The following KIF1B variants were observed in gnomAD, a reference collection of about 807,000 sequenced individuals.
The protein encoded by KIF1B is kinesin-like protein KIF1B.
KIF1B carries 76 observed loss-of-function variants against 241.9 expected under a neutral mutation model. The observed-to-expected ratio is 0.31, with a 90% CI of 0.26 to 0.38. KIF1B has a LOEUF of 0.38. KIF1B is among the 10% of genes least tolerant of loss of function. The probability of loss-of-function intolerance (pLI) is 1.00; values close to 1 mark genes in which losing one functional copy is unlikely to be tolerated. For missense variants in KIF1B, 1,622 were observed against 2,271.4 expected, an observed-to-expected ratio of 0.71 and a Z score of 5.81; for synonymous variants, 750 against 796.7, an observed-to-expected ratio of 0.94 and a Z score of 0.99.
rs767858407 is a variant in KIF1B at position 10,261,840 on chromosome 1, C to T, written c.364-65C>T. On this transcript the variant is annotated intron_variant, in intron 4 of 48. Transcript: ENST00000676179. ...GGACGTCTGGCTAATTCATTGAGCACGCGTGGATGACTTAGTACTCCTCTC... is the reference window on the plus strand; with the variant it reads ...GGACGTCTGGCTAATTCATTGAGCATGCGTGGATGACTTAGTACTCCTCTC... The T allele has an allele frequency of 2.5e-5, 24 of 966,740 alleles. 1 individual carries two copies. The highest frequency in any genetic ancestry group is 4.1e-4 in the Middle Eastern group (2 of 4,836). 59.9% of individuals were successfully genotyped at this position (966,740 alleles called of 1,614,324 possible).
intron 26 of KIF1B, among the ~76,000 whole-genome samples, chr1:10,325,223 A>G (rs1651683505): frequency 1.3e-5 from 2 of 152,242 alleles, no homozygotes; most frequent in African/African-American, 2.4e-5. Flanking sequence ...GTTTAAATTC[A>G]TAGTACAGCT....
At chr1:10,250,530 A>G (rs1185211369) in intron 2 of KIF1B, among the ~76,000 whole-genome samples, 1 of 152,018 alleles carries the variant, frequency 6.6e-6, no homozygotes, top group Non-Finnish European at 1.5e-5. Flanking sequence ...GTATTTTTAA[A>G]TTGTTCTTTC....
In KIF1B at chr1:10,300,277, T is replaced by C. The variant is rs903270767; in HGVS notation, c.2115+3031T>C. ...TAATAATAATAATAATATAGATAAATATAAAAAATTCTTTTTTTGACATGG... is the reference window on the plus strand; with the variant it reads ...TAATAATAATAATAATATAGATAAACATAAAAAATTCTTTTTTTGACATGG... On this transcript the variant is annotated intron_variant, in intron 22 of 48. Transcript: ENST00000676179. Among the ~76,000 whole-genome samples the C allele has an allele frequency of 2.6e-5, 3 of 115,300 alleles. No homozygotes were observed. The East Asian group carries it at 7.6e-4, about 29-fold the overall frequency. The allele number at this position is 115,300 out of a possible 152,430, so 75.6% of individuals were successfully genotyped here. A position where few individuals can be genotyped will look rare whatever the true frequency, so the allele number is the denominator to read the frequency against.
At chr1:10,263,124 AAC>A (rs1436119162) in intron 5 of KIF1B, among the ~76,000 whole-genome samples, 1 of 151,966 alleles carries the variant, frequency 6.6e-6, no homozygotes, top group African/African-American at 2.4e-5. Context: ...CTCTACTAAA[AAC>A]ACAAAAAATT....
intron 2 of KIF1B, among the ~76,000 whole-genome samples, chr1:10,249,731 G>T (rs1226268690): frequency 2.0e-5 from 3 of 152,114 alleles, no homozygotes; most frequent in Non-Finnish European, 4.4e-5. Flanking sequence ...GGGAGACCCT[G>T]TCTCTACAAA....
At chr1:10,231,597 G>A (rs1646984466) in intron 1 of KIF1B, among the ~76,000 whole-genome samples, 1 of 151,636 alleles carries the variant, frequency 6.6e-6, no homozygotes. Flanking sequence ...ATGTTGGCCA[G>A]GCTGGTCTCG....
chr1:10,370,272 G>T (rs1390468006), intron 44 of KIF1B, among the ~76,000 whole-genome samples: 3 of 151,708 alleles, frequency 2.0e-5, no homozygotes, highest in Non-Finnish European at 4.4e-5. Flanking sequence ...TAAAGATAAT[G>T]CAGGAGAGGC....
intron 7 of KIF1B, among the ~76,000 whole-genome samples, chr1:10,269,457 G>A (rs1192187909): frequency 6.6e-6 from 1 of 150,996 alleles, no homozygotes; most frequent in South Asian, 2.1e-4. Context: ...GGAGGTTGCA[G>A]TGAGCCAAGA....
In KIF1B at chr1:10,378,417, G is replaced by A. The variant is rs1455171485; in HGVS notation, c.*1830G>A. ...GCTGCCAGTAAGTTTTCCAGGATGA[G>A]AGGGGAAAAAGAAAGCCTCCAGTGA... On this transcript the variant is annotated 3_prime_UTR_variant, in exon 49 of 49. Coordinates refer to ENST00000676179, the MANE Select transcript of KIF1B (RefSeq NM_001365951.3). 1.4e-6 allele frequency: 1 copy of A among 717,814 alleles called. No homozygotes were observed. The highest frequency in any genetic ancestry group is 2.0e-5 in the Admixed American group (1 of 49,990). 44.5% of individuals were successfully genotyped at this position (717,814 alleles called of 1,614,324 possible). A position where few individuals can be genotyped will look rare whatever the true frequency, so the allele number is the denominator to read the frequency against.
At chr1:10,372,664 C>CTGTCACCCAAGCTG (rs1491586491) in intron 45 of KIF1B, among the ~76,000 whole-genome samples, 3 of 122,358 alleles carry the variant, frequency 2.5e-5, no homozygotes, top group Non-Finnish European at 5.1e-5. Context: ...GGTGACAGAG[C>CTGTCACCCAAGCTG]TGTCACCCAA....
At chr1:10,255,908 G>A (rs1420811802) in intron 2 of KIF1B, among the ~76,000 whole-genome samples, 2 of 151,632 alleles carry the variant, frequency 1.3e-5, no homozygotes, top group Non-Finnish European at 2.9e-5. Flanking sequence ...TCCGACCTCA[G>A]CTTCCTAAGT....
At chr1:10,279,444 C>G (rs1649291396) in intron 14 of KIF1B, among the ~76,000 whole-genome samples, 1 of 152,180 alleles carries the variant, frequency 6.6e-6, no homozygotes, top group African/African-American at 2.4e-5. Context: ...GCAACTGACA[C>G]TTACTGATTT....
chr1:10,378,502 T>A lies in KIF1B; in HGVS notation c.*1915T>A, dbSNP rs1569939568. The A allele has an allele frequency of 3.6e-5, 26 of 712,514 alleles. No individual in the cohort carries two copies. In the East Asian group the frequency reaches 7.0e-4, roughly 19 times the overall value. The allele number at this position is 712,514 out of a possible 1,614,324, so 44.1% of individuals were successfully genotyped here. On this transcript the variant is annotated 3_prime_UTR_variant, in exon 49 of 49. Coordinates refer to ENST00000676179, the MANE Select transcript of KIF1B (RefSeq NM_001365951.3). ...TTACACCATCCTTTACTTCCCTTGC[T>A]CAGACCTCTCTGTTTCACCATTGCT...
chr1:10,323,363 G>A (rs1312069332), intron 24 of KIF1B, among the ~76,000 whole-genome samples: 1 of 152,120 alleles, frequency 6.6e-6, no homozygotes, highest in Non-Finnish European at 1.5e-5. Flanking sequence ...GGTGTGGTGG[G>A]TTGTGCCTGT....
intron 2 of KIF1B, among the ~76,000 whole-genome samples, chr1:10,238,241 TGTG>T (rs1647083845): frequency 6.8e-6 from 1 of 147,946 alleles, no homozygotes. Context: ...ATTAGCCAGG[TGTG>T]GTGGTGGGCA....
intron 44 of KIF1B, 114 bp downstream of exon 44, chr1:10,368,652 AGCATTGTATTTGAAAATTTAT>A (rs1451529410): frequency 8.1e-6 from 7 of 858,992 alleles, no homozygotes; most frequent in Non-Finnish European, 1.4e-5. Context: ...TCATGGGCAT[AGCATTGTATTTGAAAATTTAT>A]GACATACTGC....
chr1:10,372,907 A>G (rs1433341458), intron 45 of KIF1B, among the ~76,000 whole-genome samples: 1 of 151,628 alleles, frequency 6.6e-6, no homozygotes, highest in Admixed American at 6.6e-5. Context: ...TCCACCTTCC[A>G]GCTTCAAGTG....
chr1:10,231,035 A>G (rs939981981), intron 1 of KIF1B: 2 of 151,368 alleles, frequency 1.3e-5, no homozygotes, highest in African/African-American at 4.9e-5. Context: ...ACATGGTGAA[A>G]CCCCGTCTCT....
At chr1:10,339,969 G>C in intron 32 of KIF1B, 110 bp downstream of exon 32, 1 of 906,918 alleles carries the variant, frequency 1.1e-6, no homozygotes, top group South Asian at 1.4e-5. Flanking sequence ...TGCAGGGGGA[G>C]AGTAGACAAT....
Sources: gnomAD v4.1 joint callset for allele counts (sites outside exome capture counted in the v4.1 genomes callset) on GRCh38, gnomAD v4.1.1 for gene constraint, MANE v1.5 for transcripts, NCBI Gene and HGNC (gene_info 2026-07-23, HGNC 2026-07-21) for gene names.